APPL1: variants seen among roughly 807,000 people sequenced by gnomAD.
APPL1 encodes the protein DCC-interacting protein 13-alpha.
Under a neutral mutation model 106.8 loss-of-function variants are expected in APPL1, and 42 were observed. The observed-to-expected ratio is 0.39, with a 90% CI of 0.31 to 0.51. APPL1 has a LOEUF of 0.51. Ranked by LOEUF, APPL1 falls within the 20% of genes least tolerant of loss-of-function variation. APPL1 has a pLI of 0.75. For synonymous variants in APPL1, 263 were observed against 281.8 expected, an observed-to-expected ratio of 0.93 and a Z score of 0.67; for missense variants, 769 against 858.2, an observed-to-expected ratio of 0.90 and a Z score of 1.30.
At chr3:57,256,879 A>G in intron 13 of APPL1, 78 bp from the exon 14 acceptor site, 1 of 1,121,006 alleles carries the variant, frequency 8.9e-7, no homozygotes, top group Non-Finnish European at 1.4e-6. Flanking sequence ...GAAGCATTCT[A>G]ACAATTCAGA....
At chr3:57,259,696 T>C in intron 16 of APPL1, 149 bp from the exon 17 acceptor site, 5 of 605,790 alleles carry the variant, frequency 8.3e-6, no homozygotes, top group Non-Finnish European at 1.3e-5. Flanking sequence ...TATTTTGAAA[T>C]GTCTCCCTTA....
intron 1 of APPL1, among the ~76,000 whole-genome samples, chr3:57,231,993 A>G (rs1415921583): frequency 6.6e-6 from 1 of 152,178 alleles, no homozygotes; most frequent in African/African-American, 2.4e-5. Flanking sequence ...GGGAAAAAGC[A>G]TGTTTGGAAT....
chr3:57,265,525 G>C (rs2060890115), intron 19 of APPL1, among the ~76,000 whole-genome samples: 2 of 151,906 alleles, frequency 1.3e-5, no homozygotes. Flanking sequence ...TATTGTAAGT[G>C]AGATTACTTT....
At position 57,259,902 on chromosome 3, in the gene APPL1, C is replaced by T; in HGVS notation, c.1541C>T (p.Ser514Leu). 1 of 1,613,466 alleles carries T rather than the reference C, an allele frequency of 6.2e-7. No individual in the cohort carries two copies. The highest frequency in any genetic ancestry group is 1.7e-5 in the Admixed American group (1 of 59,818). Residue 514 changes from serine to leucine, a missense_variant, in exon 17 of 22, where the codon TCA becomes TTA. Transcript: ENST00000288266. ...VRFLGSMEVK[S>L]DDHPDVVYET... Reference sequence around the variant, plus strand: ...TTCCTTGGTTCAATGGAGGTGAAATCAGATGACCATCCAGATGTTGTTTAT... The same window carrying T: ...TTCCTTGGTTCAATGGAGGTGAAATTAGATGACCATCCAGATGTTGTTTAT...
At chr3:57,251,583 A>G (rs1425462707) in intron 11 of APPL1, among the ~76,000 whole-genome samples, 2 of 151,700 alleles carry the variant, frequency 1.3e-5, no homozygotes, top group Non-Finnish European at 2.9e-5. Context: ...ATGGTTGTTT[A>G]ATTTCACATT....
intron 11 of APPL1, among the ~76,000 whole-genome samples, chr3:57,250,952 C>T (rs1366499413): frequency 2.7e-5 from 4 of 149,676 alleles, no homozygotes; most frequent in African/African-American, 7.3e-5. Context: ...GGACTACAGG[C>T]GCCTGCTACC....
intron 1 of APPL1, among the ~76,000 whole-genome samples, chr3:57,234,296 CTT>C (rs1212693146): frequency 5.6e-5 from 7 of 124,206 alleles, no homozygotes; most frequent in African/African-American, 1.3e-4. Context: ...TATTGACATT[CTT>C]TTTTTTTTTT....
chr3:57,272,417 C>T lies in APPL1; in HGVS notation c.*2730C>T, dbSNP rs2060948631. The T allele has an allele frequency of 6.6e-6, 1 of 152,076 alleles. No homozygotes were observed. Among genetic ancestry groups the T allele is most frequent in the African/African-American group, 2.4e-5 (1 of 41,390 alleles). The allele number at this position is 152,076 out of a possible 1,614,324, so 9.4% of individuals were successfully genotyped here. ...TCTAGGGGTGGTAAATGTGTTTCCA[C>T]TATACTTGGGAAAAGGTCAGTAGGA... On this transcript the variant is annotated 3_prime_UTR_variant, in exon 22 of 22. Coordinates refer to ENST00000288266, the MANE Select transcript of APPL1 (RefSeq NM_012096.3).
chr3:57,241,306 G>A (rs1482563371), intron 5 of APPL1, among the ~76,000 whole-genome samples: 1 of 152,096 alleles, frequency 6.6e-6, no homozygotes, highest in Non-Finnish European at 1.5e-5. Context: ...CAAGAGGTAG[G>A]GGTACTGGCA....
chr3:57,231,110 C>A (rs562020140), intron 1 of APPL1, among the ~76,000 whole-genome samples: 6 of 151,854 alleles, frequency 4.0e-5, no homozygotes, highest in Non-Finnish European at 8.8e-5. Flanking sequence ...GAGGACGAGG[C>A]AGGTGAATCA....
chr3:57,268,200 G>C, intron 20 of APPL1, 198 bp from the exon 21 acceptor site: 1 of 545,748 alleles, frequency 1.8e-6, no homozygotes, highest in East Asian at 3.0e-5. Flanking sequence ...TGCTAAGCAA[G>C]GTTAACAGTG....
chr3:57,234,186 T>C (rs2060703645), intron 1 of APPL1, among the ~76,000 whole-genome samples: 1 of 152,112 alleles, frequency 6.6e-6, no homozygotes, highest in South Asian at 2.1e-4. Context: ...TCTCCAGTAG[T>C]TATTGGTATT....
chr3:57,266,825 C>G (rs2060896894), intron 19 of APPL1, among the ~76,000 whole-genome samples: 1 of 152,152 alleles, frequency 6.6e-6, no homozygotes, highest in Non-Finnish European at 1.5e-5. Flanking sequence ...TCCAATCTTG[C>G]CAGAACCATT....
chr3:57,262,727 A>G (rs2107610033), intron 19 of APPL1, among the ~76,000 whole-genome samples: 1 of 152,046 alleles, frequency 6.6e-6, no homozygotes, highest in Non-Finnish European at 1.5e-5. Flanking sequence ...AGAATATCGT[A>G]CTAACAAAGT....
chr3:57,238,364 G>A (rs1277669929), intron 4 of APPL1, among the ~76,000 whole-genome samples: 2 of 152,176 alleles, frequency 1.3e-5, no homozygotes, highest in Non-Finnish European at 2.9e-5. Context: ...CTTGACATGT[G>A]TCATTTGATG....
chr3:57,239,648 T>A (rs1285262311), intron 4 of APPL1, among the ~76,000 whole-genome samples: 1 of 152,200 alleles, frequency 6.6e-6, no homozygotes, highest in Non-Finnish European at 1.5e-5. Flanking sequence ...TTTTTTTGTT[T>A]TGAACAACAG....
intron 20 of APPL1, 146 bp from the exon 21 acceptor site, chr3:57,268,252 T>TA (rs2060908177): frequency 1.3e-6 from 1 of 775,178 alleles, no homozygotes; most frequent in African/African-American, 1.7e-5. Flanking sequence ...GATAATTGTT[T>TA]ACCATTGAAT....
chr3:57,272,182 C>G lies in APPL1; in HGVS notation c.*2495C>G, dbSNP rs2060946401. 1 of 152,226 alleles carries G rather than the reference C, an allele frequency of 6.6e-6. No homozygotes were observed. The highest frequency in any genetic ancestry group is 1.5e-5 in the Non-Finnish European group (1 of 68,036). The allele number at this position is 152,226 out of a possible 1,614,324, so 9.4% of individuals were successfully genotyped here. A position where few individuals can be genotyped will look rare whatever the true frequency, so the allele number is the denominator to read the frequency against. On this transcript the variant is annotated 3_prime_UTR_variant, in exon 22 of 22. Coordinates refer to ENST00000288266, the MANE Select transcript of APPL1 (RefSeq NM_012096.3). ...AGCCTGCCTACTTCTACAATGCATTCTGTTACCTATTTGAACAGTATGTTT... is the reference window on the plus strand; with the variant it reads ...AGCCTGCCTACTTCTACAATGCATTGTGTTACCTATTTGAACAGTATGTTT...
chr3:57,227,864 A>G lies in APPL1; in HGVS notation c.-20A>G. ...GTGGGCGGCAGCTGCGTCTCCTGCC[A>G]CCGCCCTCCCTCCGCCACGATGCCG... On this transcript the variant is annotated 5_prime_UTR_variant, in exon 1 of 22. Transcript: ENST00000288266. 1 of 1,456,956 alleles carries G rather than the reference A, an allele frequency of 6.9e-7. No individual in the cohort carries two copies. The highest frequency in any genetic ancestry group is 9.1e-7 in the Non-Finnish European group (1 of 1,101,960). 90.3% of individuals were successfully genotyped at this position (1,456,956 alleles called of 1,614,324 possible).
Sources: gnomAD v4.1 joint callset for allele counts (sites outside exome capture counted in the v4.1 genomes callset) on GRCh38, gnomAD v4.1.1 for gene constraint, MANE v1.5 for transcripts, NCBI Gene and HGNC (gene_info 2026-07-23, HGNC 2026-07-21) for gene names.